The following GJA1 variants were observed in gnomAD, a reference collection of about 807,000 sequenced individuals.
GJA1 encodes gap junction protein alpha 1.
GJA1 carries 9 observed loss-of-function variants against 31.0 expected under a neutral mutation model. The ratio of observed to expected loss-of-function variants is 0.29; its 90% CI spans 0.17 to 0.51. The LOEUF (loss-of-function observed/expected upper bound fraction) is 0.51. GJA1 is among the 20% of genes least tolerant of loss of function. The pLI is 0.98. For synonymous variants in GJA1, 186 were observed against 180.1 expected, an observed-to-expected ratio of 1.03 and a Z score of -0.26; for missense variants, 278 against 468.8, an observed-to-expected ratio of 0.59 and a Z score of 3.76.
At chr6:121,445,239 G>A (rs1294867300) in intron 1 of GJA1, among the ~76,000 whole-genome samples, 2 of 152,228 alleles carry the variant, frequency 1.3e-5, no homozygotes, top group Non-Finnish European at 2.9e-5. Flanking sequence ...TCCGCCTCCC[G>A]GGTTCAAGCG....
Position 121,447,602 on chromosome 6 carries a change from G to A in GJA1, c.755G>A (p.Gly252Asp), listed in dbSNP as rs1773910782. ...AGCGACCCTTACCATGCGACCAGTG[G>A]TGCGCTGAGCCCTGCCAAAGACTGT... ...GKSDPYHATS[G>D]ALSPAKDCGS... Residue 252 changes from glycine to aspartate, a missense_variant, in exon 2 of 2, where the codon GGT becomes GAT. Physicochemically the swap from Gly to Asp is moderately conservative, Grantham distance 94 (BLOSUM62 -1). This residue lies in a region of GJA1 where 172 missense variants were observed against 190.9 expected (regional missense o/e 0.90). Coordinates refer to ENST00000282561, the MANE Select transcript of GJA1 (RefSeq NM_000165.5). The A allele has an allele frequency of 7.4e-6, 12 of 1,614,008 alleles. No homozygotes were observed. The highest frequency in any genetic ancestry group is 9.3e-6 in the Non-Finnish European group (11 of 1,179,992).
chr6:121,438,826 T>C (rs1749621257), intron 1 of GJA1, among the ~76,000 whole-genome samples: 1 of 151,022 alleles, frequency 6.6e-6, no homozygotes, highest in African/African-American at 2.4e-5. Flanking sequence ...ATTCTTAGCA[T>C]AATTGTCTAA....
intron 1 of GJA1, among the ~76,000 whole-genome samples, chr6:121,445,373 C>T (rs1773870051): frequency 6.6e-6 from 1 of 152,210 alleles, no homozygotes. Flanking sequence ...TCTGAATCTC[C>T]TGACCTCATG....
At chr6:121,439,519 A>G (rs1773728689) in intron 1 of GJA1, among the ~76,000 whole-genome samples, 1 of 152,216 alleles carries the variant, frequency 6.6e-6, no homozygotes, top group Non-Finnish European at 1.5e-5. Context: ...TTTTAGCCTC[A>G]GCTTCTGACT....
intron 1 of GJA1, among the ~76,000 whole-genome samples, chr6:121,441,959 A>T (rs1036444194): frequency 6.6e-6 from 1 of 152,174 alleles, no homozygotes; most frequent in Non-Finnish European, 1.5e-5. Flanking sequence ...TTTGGGCATG[A>T]ATATTTTTGG....
At chr6:121,445,901 C>G (rs1027988197) in intron 1 of GJA1, among the ~76,000 whole-genome samples, 1 of 152,064 alleles carries the variant, frequency 6.6e-6, no homozygotes, top group African/African-American at 2.4e-5. Flanking sequence ...GCCCAGGGGC[C>G]TGGGCAACAT....
intron 1 of GJA1, among the ~76,000 whole-genome samples, chr6:121,440,720 A>AC (rs1395275669): frequency 6.7e-6 from 1 of 149,064 alleles, no homozygotes; most frequent in Non-Finnish European, 1.5e-5. Flanking sequence ...ATGTAGCTAT[A>AC]CCCCAATTAA....
chr6:121,441,791 A>G (rs1220859458), intron 1 of GJA1, among the ~76,000 whole-genome samples: 2 of 152,148 alleles, frequency 1.3e-5, no homozygotes, highest in African/African-American at 2.4e-5. Context: ...GGCTAATGAC[A>G]TGAAACCTAG....
chr6:121,447,818 G>C lies in GJA1; in HGVS notation c.971G>C (p.Gly324Ala), dbSNP rs753470523. The part of the protein sequence containing the change: ...SAEQNRMGQA[G>A]STISNSHAQP... ...GAACAAAATCGAATGGGGCAGGCGG[G>C]AAGCACCATCTCTAACTCCCATGCA... Residue 324 changes from glycine to alanine, a missense_variant, in exon 2 of 2, where the codon GGA (glycine) becomes GCA (alanine). Physicochemically the swap from Gly to Ala is moderately conservative, Grantham distance 60 (BLOSUM62 0). This residue lies in a region of GJA1 where 172 missense variants were observed against 190.9 expected (regional missense o/e 0.90). Transcript: ENST00000282561. 1 of 1,613,872 alleles carries C rather than the reference G, an allele frequency of 6.2e-7. No homozygotes were observed. The highest frequency in any genetic ancestry group is 2.2e-5 in the East Asian group (1 of 44,870).
In GJA1 at chr6:121,449,150, GT is replaced by G. The variant is rs1957955841; in HGVS notation, c.*1155del. On this transcript the variant is annotated 3_prime_UTR_variant, in exon 2 of 2. Transcript: ENST00000282561. ...GAAATGAATTTCCTTTTTCTGAAAT[GT>G]AATCATTGATGCTTGAATGATAGAA... is the stretch of plus-strand genomic sequence containing the variant. 1 of 166,928 alleles carries G rather than the reference GT, an allele frequency of 6.0e-6. No homozygotes were observed. Among genetic ancestry groups the G allele is most frequent in the Non-Finnish European group, 1.5e-5 (1 of 68,114 alleles). 10.3% of individuals were successfully genotyped at this position (166,928 alleles called of 1,614,324 possible). A position where few individuals can be genotyped will look rare whatever the true frequency, so the allele number is the denominator to read the frequency against.
rs1245903075 is a variant in GJA1 at position 121,447,469 on chromosome 6, A to G, written c.622A>G (p.Ile208Val). 46 of 1,613,966 alleles carry G rather than the reference A, an allele frequency of 2.9e-5. 1 individual carries two copies. Among genetic ancestry groups the G allele is most frequent in the Non-Finnish European group, 3.5e-5 (41 of 1,180,022 alleles). Residue 208 changes from isoleucine (I) to valine (V), a missense_variant, in exon 2 of 2, where the codon ATC (isoleucine) becomes GTC (valine). Physicochemically the swap from Ile to Val is conservative, Grantham distance 29. Around this residue, in one of 3 missense-constraint regions of GJA1, gnomAD observed 80 missense variants for 163.5 expected, o/e 0.49. Transcript: ENST00000282561. ...CCTCTCTCGCCCCACGGAGAAAACC[A>G]TCTTCATCATCTTCATGCTGGTGGT... Reference protein sequence around the residue: ...CFLSRPTEKTIFIIFMLVVSL... With the variant: ...CFLSRPTEKTVFIIFMLVVSL...
intron 1 of GJA1, among the ~76,000 whole-genome samples, chr6:121,444,158 A>G (rs563464119): frequency 2.8e-4 from 42 of 152,124 alleles, no homozygotes; most frequent in Non-Finnish European, 4.7e-4. Flanking sequence ...TGGCTATTCA[A>G]CTGTCTTTGT....
intron 1 of GJA1, among the ~76,000 whole-genome samples, chr6:121,442,039 G>A (rs977033857): frequency 6.6e-6 from 1 of 152,082 alleles, no homozygotes; most frequent in African/African-American, 2.4e-5. Flanking sequence ...ATTTTATCGG[G>A]AACTTCCATA....
chr6:121,439,242 T>TATAA (rs1562171394), intron 1 of GJA1, among the ~76,000 whole-genome samples: 1 of 152,176 alleles, frequency 6.6e-6, no homozygotes, highest in Non-Finnish European at 1.5e-5. Context: ...TATCTAAAGG[T>TATAA]CGTCTAAAGA....
At chr6:121,436,153 AG>A (rs1165042468) in intron 1 of GJA1, among the ~76,000 whole-genome samples, 4 of 105,744 alleles carry the variant, frequency 3.8e-5, no homozygotes, top group Middle Eastern at 6.9e-3. Context: ...TTTTGTAATC[AG>A]TAATAGTCTA....
chr6:121,440,957 C>T (rs1773768011), intron 1 of GJA1, among the ~76,000 whole-genome samples: 1 of 141,816 alleles, frequency 7.1e-6, no homozygotes. Flanking sequence ...TCGTTTTTTT[C>T]TTTGAGACGG....
intron 1 of GJA1, among the ~76,000 whole-genome samples, chr6:121,445,892 C>T (rs1214973902): frequency 6.6e-6 from 1 of 152,074 alleles, no homozygotes; most frequent in African/African-American, 2.4e-5. Context: ...ATTTCTTGAG[C>T]CCAGGGGCCT....
intron 1 of GJA1, among the ~76,000 whole-genome samples, chr6:121,439,570 A>G (rs1442101658): frequency 6.6e-6 from 1 of 152,068 alleles, no homozygotes; most frequent in Non-Finnish European, 1.5e-5. Context: ...ATCTTGAGAA[A>G]CTTGTTTTGG....
intron 1 of GJA1, among the ~76,000 whole-genome samples, chr6:121,443,535 T>A (rs188335794): frequency 4.3e-4 from 66 of 152,346 alleles, no homozygotes; most frequent in African/African-American, 1.5e-3. Flanking sequence ...GTTCACATAC[T>A]ATGGAACTGT....
Sources: gnomAD v4.1 joint callset for allele counts (sites outside exome capture counted in the v4.1 genomes callset) on GRCh38, gnomAD v4.1.1 for gene constraint, gnomAD v4.1.1 regional missense constraint, MANE v1.5 for transcripts, NCBI Gene and HGNC (gene_info 2026-07-23, HGNC 2026-07-21) for gene names.